RASGRF2: variants seen among roughly 807,000 people sequenced by gnomAD.
RASGRF2 encodes the protein ras-specific guanine nucleotide-releasing factor 2.
In RASGRF2, 76 loss-of-function variants were observed where a neutral mutation model predicts 151.0. That is an observed-to-expected ratio of 0.50 (90% confidence interval 0.42 to 0.61). The LOEUF is 0.61. Ranked by LOEUF, RASGRF2 falls within the 20% of genes least tolerant of loss-of-function variation. The probability of loss-of-function intolerance (pLI) is 0.00; values close to 1 mark genes in which losing one functional copy is unlikely to be tolerated. For synonymous variants in RASGRF2, 504 were observed against 566.5 expected, an observed-to-expected ratio of 0.89 and a Z score of 1.57; for missense variants, 1,148 against 1,564.6, an observed-to-expected ratio of 0.73 and a Z score of 4.49.
At chr5:81,008,436 C>A (rs1749348340) in intron 1 of RASGRF2, among the ~76,000 whole-genome samples, 2 of 152,158 alleles carry the variant, frequency 1.3e-5, no homozygotes, top group South Asian at 4.1e-4. Flanking sequence ...CAGGCATGAG[C>A]CACCGTGCCT....
chr5:81,199,794 A>G (rs756371291), intron 18 of RASGRF2, among the ~76,000 whole-genome samples: 35 of 150,696 alleles, frequency 2.3e-4, no homozygotes, highest in Non-Finnish European at 4.4e-4. Flanking sequence ...GCTGCTCAGG[A>G]GGCTGAGACA....
Position 80,961,027 on chromosome 5 carries a change from G to A in RASGRF2, c.288+1G>A. Reference sequence around the variant, plus strand: ...CGTCCGAGACGCGCTGGACAAGCAGGTACCGCGCGCCTTCTCTCCGCGGTC... The same window carrying A: ...CGTCCGAGACGCGCTGGACAAGCAGATACCGCGCGCCTTCTCTCCGCGGTC... On this transcript the variant is annotated splice_donor_variant, in intron 1 of 26. Transcript: ENST00000265080. LOFTEE classifies it high-confidence loss of function. 6.8e-7 allele frequency: 1 copy of A among 1,462,562 alleles called. No homozygotes were observed. Among genetic ancestry groups the A allele is most frequent in the Non-Finnish European group, 9.1e-7 (1 of 1,101,720 alleles). 90.6% of individuals were successfully genotyped at this position (1,462,562 alleles called of 1,614,324 possible). A position where few individuals can be genotyped will look rare whatever the true frequency, so the allele number is the denominator to read the frequency against.
chr5:81,153,356 T>G (rs1173917251), intron 17 of RASGRF2, among the ~76,000 whole-genome samples: 1 of 152,082 alleles, frequency 6.6e-6, no homozygotes, highest in Non-Finnish European at 1.5e-5. Flanking sequence ...TCTCTAAAAG[T>G]GGAAGAGGGA....
intron 17 of RASGRF2, among the ~76,000 whole-genome samples, chr5:81,156,772 G>A (rs1391756423): frequency 2.6e-5 from 4 of 152,054 alleles, no homozygotes; most frequent in East Asian, 3.9e-4. Context: ...CAATATCAAC[G>A]ATGCCTGCTC....
intron 24 of RASGRF2, 73 bp from the exon 25 acceptor site, chr5:81,217,283 C>A: frequency 6.6e-7 from 1 of 1,511,670 alleles, no homozygotes. Flanking sequence ...TTTAATCCTC[C>A]TTTGTTTAAT....
chr5:81,198,902 A>G (rs926882680), intron 18 of RASGRF2, among the ~76,000 whole-genome samples: 2 of 152,190 alleles, frequency 1.3e-5, no homozygotes, highest in African/African-American at 4.8e-5. Context: ...TTGGTAGAGC[A>G]ATTTATTTTC....
At chr5:81,093,094 A>G (rs1005334243) in intron 10 of RASGRF2, 133 bp downstream of exon 10, 2 of 941,306 alleles carry the variant, frequency 2.1e-6, no homozygotes, top group African/African-American at 3.3e-5. Context: ...GAGTGAGGTA[A>G]TGTACTGTTA....
intron 1 of RASGRF2, among the ~76,000 whole-genome samples, chr5:81,012,040 C>T (rs2112316339): frequency 6.6e-6 from 1 of 152,304 alleles, no homozygotes; most frequent in Admixed American, 6.5e-5. Flanking sequence ...GGAGCTATGA[C>T]CGTGAACTTG....
At chr5:81,068,748 C>T (rs1192745946) in intron 3 of RASGRF2, among the ~76,000 whole-genome samples, 1 of 152,110 alleles carries the variant, frequency 6.6e-6, no homozygotes, top group African/African-American at 2.4e-5. Context: ...TCAGGCCTTG[C>T]ATCCCCAGAT....
At chr5:81,123,897 A>C in intron 16 of RASGRF2, 130 bp downstream of exon 16, 2 of 1,230,626 alleles carry the variant, frequency 1.6e-6, no homozygotes, top group South Asian at 3.2e-5. Context: ...ATTAATTGGA[A>C]GCAAATACAG....
At chr5:81,159,246 TG>T (rs1419812091) in intron 17 of RASGRF2, among the ~76,000 whole-genome samples, 3 of 152,238 alleles carry the variant, frequency 2.0e-5, no homozygotes, top group Non-Finnish European at 2.9e-5. Context: ...GGTTGGCAAA[TG>T]TTTTTTTAAA....
chr5:80,973,061 G>A (rs1747992115), intron 1 of RASGRF2, among the ~76,000 whole-genome samples: 1 of 152,124 alleles, frequency 6.6e-6, no homozygotes, highest in African/African-American at 2.4e-5. Flanking sequence ...TGTAGTATAA[G>A]TTATCTCTTT....
chr5:81,152,030 C>G (rs1046699013), intron 17 of RASGRF2, among the ~76,000 whole-genome samples: 1 of 151,942 alleles, frequency 6.6e-6, no homozygotes, highest in Non-Finnish European at 1.5e-5. Context: ...GAGATGGAGT[C>G]TCACTCTGTC....
At chr5:81,054,620 C>G (rs377091471) in intron 2 of RASGRF2, among the ~76,000 whole-genome samples, 8 of 100,080 alleles carry the variant, frequency 8.0e-5, no homozygotes, top group African/African-American at 2.8e-4. Flanking sequence ...CTCTTTTTTG[C>G]TTCCATATGA....
intron 12 of RASGRF2, chr5:81,096,209 A>G (rs888194526): frequency 6.6e-6 from 1 of 152,228 alleles, no homozygotes; most frequent in Admixed American, 6.5e-5. Context: ...TGACAAGGAA[A>G]TGAAAATATG....
At chr5:81,142,758 T>C (rs1753915109) in intron 17 of RASGRF2, among the ~76,000 whole-genome samples, 1 of 152,178 alleles carries the variant, frequency 6.6e-6, no homozygotes, top group Admixed American at 6.5e-5. Flanking sequence ...TTATTAAGAA[T>C]TTCAAGAATT....
chr5:81,108,300 A>G (rs1475558600), intron 12 of RASGRF2, among the ~76,000 whole-genome samples: 2 of 152,246 alleles, frequency 1.3e-5, no homozygotes, highest in Non-Finnish European at 2.9e-5. Flanking sequence ...TTGATAAGGC[A>G]TAGATTAAAT....
rs552710325 is a variant in RASGRF2, at chr5:81,006,610, G to T, written c.289-36267G>T. Among the ~76,000 whole-genome samples, 4 of 152,210 alleles carry T rather than the reference G, an allele frequency of 2.6e-5. 1 individual carries two copies. Among genetic ancestry groups the T allele is most frequent in the African/African-American group, 7.2e-5 (3 of 41,522 alleles). On this transcript the variant is annotated intron_variant, in intron 1 of 26. Transcript: ENST00000265080. ...AGCCATCAAAATGCTTATTCCCTTT[G>T]CTGGGGTTCAGAAGCTGATGCCCCG...
intron 1 of RASGRF2, chr5:80,997,410 C>A (rs962287943): frequency 1.3e-5 from 2 of 152,190 alleles, no homozygotes; most frequent in African/African-American, 2.4e-5. Flanking sequence ...CAGAAACAGA[C>A]CCCTCTTACA....
Sources: gnomAD v4.1 joint callset for allele counts (sites outside exome capture counted in the v4.1 genomes callset) on GRCh38, gnomAD v4.1.1 for gene constraint, MANE v1.5 for transcripts, NCBI Gene and HGNC (gene_info 2026-07-23, HGNC 2026-07-21) for gene names.